The following FLACC1 variants were observed in gnomAD, a reference collection of about 807,000 sequenced individuals.
The protein encoded by FLACC1 is flagellum-associated coiled-coil domain-containing protein 1.
A neutral mutation model predicts 62.8 loss-of-function variants in FLACC1; 66 were observed. The ratio of observed to expected loss-of-function variants is 1.05; its 90% confidence interval spans 0.86 to 1.29. The LOEUF is 1.29. Ranked by LOEUF, FLACC1 falls within the 50% of genes most tolerant of loss-of-function variation. The pLI is 0.00. For synonymous variants in FLACC1, 156 were observed against 161.0 expected (o/e 0.97, Z 0.24); for missense variants, 452 against 489.1 (o/e 0.92, Z 0.71).
upstream of FLACC1, among the ~76,000 whole-genome samples, chr2:201,360,345 A>G (rs529118643): frequency 6.6e-6 from 1 of 152,348 alleles, no homozygotes; most frequent in South Asian, 2.1e-4. Flanking sequence ...TCTGACAGCA[A>G]TATTATCAAA....
intron 12 of FLACC1, among the ~76,000 whole-genome samples, chr2:201,295,166 A>G (rs1398015196): frequency 1.3e-5 from 2 of 152,224 alleles, no homozygotes; most frequent in Non-Finnish European, 2.9e-5. Context: ...AAACTACTTT[A>G]AAGTTCATCT....
intron 7 of FLACC1, among the ~76,000 whole-genome samples, chr2:201,341,928 T>C (rs766953121): frequency 1.3e-5 from 2 of 152,122 alleles, no homozygotes; most frequent in Non-Finnish European, 2.9e-5. Flanking sequence ...TCTCTTATAC[T>C]TTCTTCCTAT....
intron 7 of FLACC1, among the ~76,000 whole-genome samples, chr2:201,334,609 C>G (rs757839697): frequency 6.6e-5 from 10 of 151,886 alleles, no homozygotes; most frequent in Non-Finnish European, 1.2e-4. Context: ...CATGGAGAAA[C>G]CCCATCTCTA....
At position 201,346,454 on chromosome 2, in the gene FLACC1, G is replaced by C. The variant is rs911108141; in HGVS notation, c.368+88C>G. ...AGCAGGGACCAGTGGCCTGGGTGTG[G>C]GCATAGCGGCTTTGGCTTGTCCCTG... is the stretch of plus-strand genomic sequence containing the variant. On this transcript the variant is annotated intron_variant, in intron 5 of 14. Coordinates refer to ENST00000392257, the MANE Select transcript of FLACC1 (RefSeq NM_001127391.3). The surrounding 1 kb of genome is among the most constrained non-coding windows in gnomAD (Gnocchi z 4.0). The C allele has an allele frequency of 1.1e-5, 18 of 1,572,024 alleles. No homozygotes were observed. Among genetic ancestry groups the C allele is most frequent in the East Asian group, 6.7e-5 (3 of 44,678 alleles).
intron 13 of FLACC1, 24 bp from the exon 14 acceptor site, chr2:201,289,590 C>G: frequency 6.2e-7 from 1 of 1,613,394 alleles, no homozygotes; most frequent in South Asian, 1.1e-5. Flanking sequence ...ATTTTAATAG[C>G]CATCTTCCCC....
the FLACC1 span, among the ~76,000 whole-genome samples, chr2:201,363,896 A>G: frequency 6.6e-6 from 1 of 152,168 alleles, no homozygotes; most frequent in East Asian, 1.9e-4. Context: ...TACCCACTGC[A>G]TTCTCCCTCA....
the FLACC1 span, among the ~76,000 whole-genome samples, chr2:201,363,484 C>T: frequency 1.5e-4 from 22 of 151,476 alleles, no homozygotes; most frequent in African/African-American, 4.4e-4. Flanking sequence ...CAGCCTGAGC[C>T]GCTGCCCCTC....
At chr2:201,310,909 GAA>G (rs756930455) in intron 9 of FLACC1, among the ~76,000 whole-genome samples, 3 of 151,038 alleles carry the variant, frequency 2.0e-5, no homozygotes, top group African/African-American at 7.3e-5. Flanking sequence ...CATTAGCAAA[GAA>G]AAAAACGACG....
At chr2:201,361,624 T>C (rs1951186714), upstream of FLACC1, among the ~76,000 whole-genome samples, 1 of 152,192 alleles carries the variant, frequency 6.6e-6, no homozygotes, top group Admixed American at 6.5e-5. Flanking sequence ...TACCAACTCT[T>C]CATATTACTG....
intron 1 of FLACC1, among the ~76,000 whole-genome samples, chr2:201,352,262 G>C (rs73988742): frequency 0.062 from 9,384 of 152,156 alleles, 596 homozygotes; most frequent in East Asian, 0.25. Context: ...TTGAGCTACA[G>C]TGCAAATGAA....
upstream of FLACC1, among the ~76,000 whole-genome samples, chr2:201,358,523 T>C (rs1576490600): frequency 1.3e-5 from 2 of 148,238 alleles, no homozygotes; most frequent in East Asian, 2.0e-4. Context: ...TTCACGCCAT[T>C]CTCCTGCCTC....
At chr2:201,317,508 T>C (rs1309580927) in intron 9 of FLACC1, among the ~76,000 whole-genome samples, 1 of 152,142 alleles carries the variant, frequency 6.6e-6, no homozygotes, top group Admixed American at 6.6e-5. Flanking sequence ...TTGTAAGACC[T>C]GTACAAGGAA....
intron 3 of FLACC1, among the ~76,000 whole-genome samples, chr2:201,349,761 G>T (rs1320609749): frequency 6.6e-6 from 1 of 152,216 alleles, no homozygotes; most frequent in African/African-American, 2.4e-5. Context: ...GCTAAAGAGT[G>T]AGTCACCACC....
At position 201,330,505 on chromosome 2, in the gene FLACC1, A is replaced by G. The variant is rs1335438890; in HGVS notation, c.640T>C (p.Tyr214His). The change falls in exon 9 of 15, where the codon TAC becomes CAC. Residue 214 changes from tyrosine (Y) to histidine (H), a missense_variant. This residue lies in a region of FLACC1 where 301 missense variants were observed against 318.4 expected (regional missense o/e 0.95). Transcript: ENST00000392257. ...CGAAACATATTCTTCAAATACTTGT[A>G]TTCTTTTCCCATCTCCTCTGGATAA... ...QEKLEEMGKE[Y>H]KYLKNMFRTY... is the part of the protein sequence containing the mutation. 6.2e-7 allele frequency: 1 copy of G among 1,613,860 alleles called. No homozygotes were observed.
At chr2:201,333,588 T>C (rs1296512394) in intron 7 of FLACC1, among the ~76,000 whole-genome samples, 2 of 120,378 alleles carry the variant, frequency 1.7e-5, no homozygotes, top group African/African-American at 6.4e-5. Flanking sequence ...CAGAGTGTGA[T>C]GTTCCCCTTC....
At chr2:201,349,370 A>C (rs1576478471) in intron 3 of FLACC1, among the ~76,000 whole-genome samples, 1 of 151,934 alleles carries the variant, frequency 6.6e-6, no homozygotes, top group East Asian at 1.9e-4. Context: ...ACTTGCCCTG[A>C]CCTCTCTACG....
At chr2:201,356,501 C>G (rs768436118) in intron 1 of FLACC1, among the ~76,000 whole-genome samples, 25 of 151,122 alleles carry the variant, frequency 1.7e-4, no homozygotes, top group South Asian at 6.2e-4. Flanking sequence ...AAAATCAGCC[C>G]TTGACTTCTC....
At chr2:201,350,489 G>A (rs1271414282) in intron 3 of FLACC1, among the ~76,000 whole-genome samples, 2 of 152,058 alleles carry the variant, frequency 1.3e-5, no homozygotes, top group Non-Finnish European at 2.9e-5. Context: ...GACCACCCTG[G>A]GCAATGTGGT....
At chr2:201,309,413 G>C (rs1162776269) in intron 9 of FLACC1, among the ~76,000 whole-genome samples, 163 bp from the exon 10 acceptor site, 1 of 152,164 alleles carries the variant, frequency 6.6e-6, no homozygotes, top group Non-Finnish European at 1.5e-5. Flanking sequence ...CCCTCACTGA[G>C]TGGGTCCTCC....
Sources: gnomAD v4.1 joint callset for allele counts (sites outside exome capture counted in the v4.1 genomes callset) on GRCh38, gnomAD v4.1.1 for gene constraint, gnomAD v4.1.1 regional missense constraint, Gnocchi (gnomAD v3.1) non-coding constraint, MANE v1.5 for transcripts, NCBI Gene and HGNC (gene_info 2026-07-23, HGNC 2026-07-21) for gene names.